The following MAST2 variants were observed in gnomAD, a reference collection of about 807,000 sequenced individuals.
MAST2 encodes the protein microtubule associated serine/threonine kinase 2, also known as microtubule-associated serine/threonine-protein kinase 2.
MAST2 carries 70 observed loss-of-function variants against 147.4 expected under a neutral mutation model. That is an observed-to-expected ratio of 0.47 (90% confidence interval 0.39 to 0.58). The LOEUF is 0.58. MAST2 is among the 20% of genes least tolerant of loss of function. The probability of loss-of-function intolerance (pLI) is 0.00; values close to 1 mark genes in which losing one functional copy is unlikely to be tolerated. For missense variants in MAST2, 2,080 were observed against 2,302.3 expected, an observed-to-expected ratio of 0.90 and a Z score of 1.98; for synonymous variants, 869 against 896.8, an observed-to-expected ratio of 0.97 and a Z score of 0.55.
At chr1:45,879,806 C>T (rs6680647) in intron 3 of MAST2, among the ~76,000 whole-genome samples, 30,654 of 151,988 alleles carry the variant, frequency 0.2, 3,578 homozygotes, top group Non-Finnish European at 0.26. Context: ...TACTCAACAT[C>T]GTTAGTCATC....
At chr1:45,954,143 G>A (rs1351858280) in intron 4 of MAST2, among the ~76,000 whole-genome samples, 1 of 152,130 alleles carries the variant, frequency 6.6e-6, no homozygotes, top group Non-Finnish European at 1.5e-5. Flanking sequence ...GTTCCTAGGA[G>A]CAGCTAGACC....
At position 46,023,401 on chromosome 1, in the gene MAST2, GTCCT is replaced by G; in HGVS notation, c.1571+84_1571+87del. 23 of 1,328,124 alleles carry G rather than the reference GTCCT, an allele frequency of 1.7e-5. No individual in the cohort carries two copies. Among genetic ancestry groups the G allele is most frequent in the Non-Finnish European group, 2.4e-5 (22 of 922,252 alleles). 82.3% of individuals were successfully genotyped at this position (1,328,124 alleles called of 1,614,324 possible). A position where few individuals can be genotyped will look rare whatever the true frequency, so the allele number is the denominator to read the frequency against. ...TCCATGTGAGAGTGTATGCTGCCCAGTCCTCTGGGCAGATGCCTCGGGGTGGACC... is the reference window on the plus strand; with the variant it reads ...TCCATGTGAGAGTGTATGCTGCCCAGCTGGGCAGATGCCTCGGGGTGGACC... On this transcript the variant is annotated intron_variant, in intron 14 of 28. Coordinates refer to ENST00000361297, the MANE Select transcript of MAST2 (RefSeq NM_015112.3). This position sits in a 1 kb window ranked among gnomAD's most constrained non-coding sequence, Gnocchi z 4.9.
intron 4 of MAST2, among the ~76,000 whole-genome samples, chr1:45,916,257 T>A (rs574757771): frequency 6.6e-6 from 1 of 152,342 alleles, no homozygotes; most frequent in East Asian, 1.9e-4. Flanking sequence ...ATGTTATCAT[T>A]TTGAATTAGA....
chr1:45,940,970 G>A (rs1400856276), intron 4 of MAST2, among the ~76,000 whole-genome samples: 1 of 152,198 alleles, frequency 6.6e-6, no homozygotes, highest in Non-Finnish European at 1.5e-5. Flanking sequence ...TGAAAGAAAA[G>A]TCATTGGTAC....
At chr1:45,905,807 G>A (rs910985457) in intron 4 of MAST2, among the ~76,000 whole-genome samples, 1 of 151,946 alleles carries the variant, frequency 6.6e-6, no homozygotes, top group Non-Finnish European at 1.5e-5. Context: ...TTAGATTTAG[G>A]ATACTACCCC....
intron 9 of MAST2, among the ~76,000 whole-genome samples, chr1:46,008,615 A>G (rs955852173): frequency 2.0e-5 from 3 of 152,200 alleles, no homozygotes; most frequent in African/African-American, 4.8e-5. Flanking sequence ...TTTCTTCACT[A>G]CCCAGAAGTA....
intron 3 of MAST2, among the ~76,000 whole-genome samples, chr1:45,832,910 T>C (rs1645001963): frequency 1.3e-5 from 2 of 152,342 alleles, no homozygotes; most frequent in East Asian, 3.9e-4. Flanking sequence ...TTCTTTACTT[T>C]AGAAACTGTA....
intron 28 of MAST2, 32 bp from the exon 29 acceptor site, chr1:46,034,506 T>TCGTC: frequency 6.3e-7 from 1 of 1,586,542 alleles, no homozygotes; most frequent in South Asian, 1.1e-5. Flanking sequence ...TGCTCTGCTT[T>TCGTC]TGTCTGTCTG....
chr1:45,904,074 C>G (rs1370244609), intron 4 of MAST2, among the ~76,000 whole-genome samples: 1 of 152,160 alleles, frequency 6.6e-6, no homozygotes, highest in Admixed American at 6.5e-5. Context: ...TATCATAGCT[C>G]ATTGCAATCT....
intron 4 of MAST2, among the ~76,000 whole-genome samples, chr1:45,892,497 G>A (rs1010399751): frequency 1.3e-5 from 2 of 152,108 alleles, no homozygotes; most frequent in South Asian, 4.1e-4. Context: ...TGGATCTTAC[G>A]TTAGTAGTCG....
At chr1:45,992,399 A>G (rs1374979882) in intron 5 of MAST2, among the ~76,000 whole-genome samples, 2 of 152,180 alleles carry the variant, frequency 1.3e-5, no homozygotes, top group African/African-American at 4.8e-5. Context: ...CTATTTGGTG[A>G]TGGTATATAA....
chr1:45,927,035 G>A (rs979369674), intron 4 of MAST2, among the ~76,000 whole-genome samples: 14 of 152,244 alleles, frequency 9.2e-5, no homozygotes, highest in African/African-American at 1.2e-4. Flanking sequence ...CTGGGTGTCC[G>A]GGGGAGACAT....
intron 4 of MAST2, among the ~76,000 whole-genome samples, chr1:45,949,499 A>C (rs1658609479): frequency 6.6e-6 from 1 of 152,230 alleles, no homozygotes; most frequent in Admixed American, 6.5e-5. Flanking sequence ...GAGAACTGCA[A>C]ATCAAAACCA....
chr1:45,937,751 CAAAAAAAAAAAAAAAA>C (rs34830747), intron 4 of MAST2, among the ~76,000 whole-genome samples: 10 of 73,216 alleles, frequency 1.4e-4, no homozygotes, highest in South Asian at 1.1e-3. Flanking sequence ...AACTCCATCT[CAAAAAAAAAAAAAAAA>C]AAAAAAAAAA....
intron 3 of MAST2, among the ~76,000 whole-genome samples, chr1:45,873,564 T>C (rs1646484149): frequency 6.6e-6 from 1 of 152,198 alleles, no homozygotes; most frequent in Non-Finnish European, 1.5e-5. Flanking sequence ...AATTCAAGCC[T>C]AGGAATAACT....
chr1:45,919,490 A>G (rs1019209567), intron 4 of MAST2, among the ~76,000 whole-genome samples: 4 of 152,252 alleles, frequency 2.6e-5, no homozygotes, highest in African/African-American at 9.6e-5. Context: ...AGTTTAAGTG[A>G]AACACAATGT....
At chr1:45,869,663 ATACGT>A (rs373812435) in intron 3 of MAST2, among the ~76,000 whole-genome samples, 1 of 152,308 alleles carries the variant, frequency 6.6e-6, no homozygotes, top group East Asian at 1.9e-4. Flanking sequence ...ATGGTGTGTT[ATACGT>A]TAATTGGCCA....
intron 5 of MAST2, among the ~76,000 whole-genome samples, chr1:45,970,713 ACCTC>A (rs1643883009): frequency 6.8e-6 from 1 of 147,776 alleles, no homozygotes. Flanking sequence ...GGTAAGTTGT[ACCTC>A]ACTGTGTCTG....
At chr1:45,819,757 T>A (rs1252423063) in intron 1 of MAST2, among the ~76,000 whole-genome samples, 1 of 152,080 alleles carries the variant, frequency 6.6e-6, no homozygotes, top group African/African-American at 2.4e-5. Context: ...TATTAAAATG[T>A]CCATAGTACC....
Sources: allele counts gnomAD v4.1 joint callset (sites outside exome capture counted in the v4.1 genomes callset), GRCh38; gene constraint gnomAD v4.1.1; non-coding constraint Gnocchi (gnomAD v3.1); transcripts MANE v1.5; gene names NCBI Gene and HGNC (gene_info 2026-07-23, HGNC 2026-07-21).